Variants in AIG1 observed in about 807,000 individuals in gnomAD.
AIG1 encodes androgen induced 1.
AIG1 carries 23 observed loss-of-function variants against 31.4 expected under a neutral mutation model. That is an observed-to-expected ratio of 0.73 (90% confidence interval 0.53 to 1.04). The LOEUF is 1.04. Among genes scored for constraint, AIG1 ranks in the 50% least tolerant of loss-of-function variants. The pLI is 0.00. For synonymous variants in AIG1, 100 were observed against 110.5 expected, an observed-to-expected ratio of 0.90 and a Z score of 0.60; for missense variants, 274 against 295.0, an observed-to-expected ratio of 0.93 and a Z score of 0.52.
chr6:143,252,987 G>A (rs758770608), intron 3 of AIG1, among the ~76,000 whole-genome samples: 9 of 152,068 alleles, frequency 5.9e-5, no homozygotes, highest in South Asian at 2.1e-4. Flanking sequence ...TTGCTATGTC[G>A]GCCTCCCCAC....
At chr6:143,088,140 T>C (rs1562362345) in intron 1 of AIG1, among the ~76,000 whole-genome samples, 1 of 152,328 alleles carries the variant, frequency 6.6e-6, no homozygotes, top group East Asian at 1.9e-4. Flanking sequence ...GTCTGCCTTA[T>C]GCATTCCATT....
chr6:143,193,528 A>G lies in AIG1; in HGVS notation c.399+28345A>G, dbSNP rs1288809394. 2.6e-5 allele frequency among the ~76,000 whole-genome samples: 4 copies of G among 152,350 alleles called. No homozygotes were observed. The East Asian group carries it at 7.7e-4, about 29-fold the overall frequency. ...CACATGACCTAGAACAGGGCCTTGC[A>G]CTTAGAAGTGAACAATAACTATTGG... On this transcript the variant is annotated intron_variant, in intron 3 of 5. Transcript: ENST00000357847.
rs1286512495 is a variant in AIG1, at chr6:143,291,473, G to A, written c.515+7248G>A. 2.0e-5 allele frequency among the ~76,000 whole-genome samples: 3 copies of A among 152,206 alleles called. No individual in the cohort carries two copies. Among genetic ancestry groups the A allele is most frequent in the Non-Finnish European group, 4.4e-5 (3 of 68,040 alleles). ...AGACCCCTGCAAACCTCACACTTAT[G>A]CACCCGACGCAGAGGTGAGCACCTG... On this transcript the variant is annotated intron_variant, in intron 4 of 5. Transcript: ENST00000357847. This position sits in a 1 kb window ranked among gnomAD's most constrained non-coding sequence, Gnocchi z 4.2.
intron 3 of AIG1, chr6:143,189,519 A>G (rs1241759096): frequency 2.0e-6 from 2 of 985,290 alleles, no homozygotes; most frequent in African/African-American, 3.5e-5. Flanking sequence ...GTCATATGCT[A>G]AGTTATTTGC....
At chr6:143,148,561 C>A (rs1457150978) in intron 2 of AIG1, among the ~76,000 whole-genome samples, 2 of 151,930 alleles carry the variant, frequency 1.3e-5, no homozygotes, top group African/African-American at 4.8e-5. Context: ...TGTGGTGGCT[C>A]ATGCTTGTAA....
intron 3 of AIG1, among the ~76,000 whole-genome samples, chr6:143,245,090 T>C (rs2128642683): frequency 6.6e-6 from 1 of 152,344 alleles, no homozygotes; most frequent in African/African-American, 2.4e-5. Context: ...GGGTCACCCA[T>C]CTCGAAGCCC....
intron 3 of AIG1, among the ~76,000 whole-genome samples, chr6:143,204,870 T>C (rs1288305520): frequency 6.6e-6 from 1 of 152,106 alleles, no homozygotes; most frequent in Non-Finnish European, 1.5e-5. Flanking sequence ...GAAGGAGTCA[T>C]TTCTACAGTT....
At chr6:143,109,464 T>G (rs906843742) in intron 1 of AIG1, among the ~76,000 whole-genome samples, 2 of 152,338 alleles carry the variant, frequency 1.3e-5, no homozygotes, top group East Asian at 3.9e-4. Context: ...TTTAACAATT[T>G]ACATTCCCTG....
chr6:143,106,464 T>C (rs1296102311), intron 1 of AIG1, among the ~76,000 whole-genome samples: 1 of 152,220 alleles, frequency 6.6e-6, no homozygotes, highest in African/African-American at 2.4e-5. Context: ...GGCTGTCTCT[T>C]CTAGGGCACT....
Position 143,291,311 on chromosome 6 carries a change from C to T in AIG1, c.515+7086C>T, listed in dbSNP as rs1798045494. ...TGGCCCACCCAAGAAAGAATGGCTC[C>T]TGGGCAAGAGTTTTCCAGCAGCAGG... On this transcript the variant is annotated intron_variant, in intron 4 of 5. Transcript: ENST00000357847. The surrounding 1 kb of genome is among the most constrained non-coding windows in gnomAD (Gnocchi z 4.2). Among the ~76,000 whole-genome samples the T allele has an allele frequency of 6.6e-6, 1 of 152,128 alleles. No individual in the cohort carries two copies. Among genetic ancestry groups the T allele is most frequent in the Admixed American group, 6.5e-5 (1 of 15,278 alleles).
chr6:143,067,842 CAG>C (rs1431130286), intron 1 of AIG1, among the ~76,000 whole-genome samples: 1 of 152,004 alleles, frequency 6.6e-6, no homozygotes, highest in Non-Finnish European at 1.5e-5. Flanking sequence ...GGATATTATA[CAG>C]AGAGTGTAAA....
chr6:143,126,304 G>C (rs1012040711), intron 1 of AIG1: 3 of 152,170 alleles, frequency 2.0e-5, no homozygotes, highest in African/African-American at 4.8e-5. Context: ...ATGGACTCCA[G>C]GTAAGTGATG....
At chr6:143,262,494 T>G (rs750694345) in intron 3 of AIG1, among the ~76,000 whole-genome samples, 1 of 152,118 alleles carries the variant, frequency 6.6e-6, no homozygotes, top group African/African-American at 2.4e-5. Flanking sequence ...GTAAAGAAAC[T>G]AAGAAAATTC....
chr6:143,164,967 G>A, intron 2 of AIG1, 115 bp from the exon 3 acceptor site: 2 of 764,874 alleles, frequency 2.6e-6, no homozygotes, highest in South Asian at 3.4e-5. Flanking sequence ...TTACTGAGCT[G>A]TCTTTCATCA....
rs577775934 is a variant in AIG1 at position 143,082,653 on chromosome 6, G to A, written c.141+21587G>A. Among the ~76,000 whole-genome samples, 7 of 152,204 alleles carry A rather than the reference G, an allele frequency of 4.6e-5. No individual in the cohort carries two copies. The East Asian group carries it at 1.2e-3, about 25-fold the overall frequency. On this transcript the variant is annotated intron_variant, in intron 1 of 5. Transcript: ENST00000357847. ...AAGACTGCTATTGCTGCCACTACCC[G>A]TAAACAGTGAGGCCAACGCTTTGCC... is the stretch of plus-strand genomic sequence containing the variant.
intron 4 of AIG1, among the ~76,000 whole-genome samples, chr6:143,304,395 G>A (rs7383094): frequency 0.64 from 83,413 of 130,144 alleles, 25,634 homozygotes; most frequent in East Asian, 0.95. Context: ...TTTGAGATAC[G>A]TCCCATCAGT....
intron 1 of AIG1, among the ~76,000 whole-genome samples, chr6:143,096,138 C>T (rs1239753880): frequency 6.6e-6 from 1 of 151,790 alleles, no homozygotes; most frequent in Non-Finnish European, 1.5e-5. Context: ...GATCTCCTGA[C>T]CTTGGAATTT....
intron 4 of AIG1, among the ~76,000 whole-genome samples, chr6:143,317,377 C>T (rs892368322): frequency 1.3e-5 from 2 of 151,964 alleles, no homozygotes; most frequent in African/African-American, 4.8e-5. Flanking sequence ...ATGTGGTACC[C>T]CACATAAACA....
At chr6:143,162,157 A>C (rs1786443953) in intron 2 of AIG1, among the ~76,000 whole-genome samples, 1 of 152,254 alleles carries the variant, frequency 6.6e-6, no homozygotes, top group African/African-American at 2.4e-5. Context: ...TAAAAAATGT[A>C]ATACTCTCCA....
Sources: allele counts gnomAD v4.1 joint callset (sites outside exome capture counted in the v4.1 genomes callset), GRCh38; gene constraint gnomAD v4.1.1; non-coding constraint Gnocchi (gnomAD v3.1); transcripts MANE v1.5; gene names NCBI Gene and HGNC (gene_info 2026-07-23, HGNC 2026-07-21).